The following SORCS2 variants were observed in gnomAD, a reference collection of about 807,000 sequenced individuals.
SORCS2 encodes the protein VPS10 domain-containing receptor SorCS2.
Under a neutral mutation model 141.6 loss-of-function variants are expected in SORCS2, and 100 were observed. The observed-to-expected ratio is 0.71, with a 90% CI of 0.60 to 0.83. The LOEUF is 0.83. Among genes scored for constraint, SORCS2 ranks in the 40% least tolerant of loss-of-function variants. The pLI is 0.00. For synonymous variants in SORCS2, 789 were observed against 676.9 expected (o/e 1.17, Z -2.57); for missense variants, 1,646 against 1,560.2 (o/e 1.05, Z -0.93).
In SORCS2 at chr4:7,704,231, G is replaced by A. The variant is rs756784961; in HGVS notation, c.1815G>A (p.Ser605=). Residue 605 remains serine, a synonymous_variant, in exon 14 of 27, where the codon TCG becomes TCA. Coordinates refer to ENST00000507866, the MANE Select transcript of SORCS2 (RefSeq NM_020777.3). ...TWSTHNFTST[S]VFVDGLLSEP... ...GCACGCACAACTTCACCAGCACCTC[G>A]GTGTTTGTGGACGGGCTGCTGAGTG... 9.3e-6 allele frequency: 15 copies of A among 1,612,984 alleles called. No individual in the cohort carries two copies. The highest frequency in any genetic ancestry group is 1.6e-4 in the Middle Eastern group (1 of 6,082).
chr4:7,692,086 A>G (rs1049715759), intron 11 of SORCS2, among the ~76,000 whole-genome samples: 1 of 152,222 alleles, frequency 6.6e-6, no homozygotes, highest in African/African-American at 2.4e-5. Context: ...AGGTGGAGCC[A>G]GGCATGCAAG....
At chr4:7,697,097 C>A in intron 11 of SORCS2, 101 bp from the exon 12 acceptor site, 1 of 955,538 alleles carries the variant, frequency 1.0e-6, no homozygotes, top group South Asian at 1.6e-5. Flanking sequence ...AGACCCGGGG[C>A]ACTGGCCACC....
intron 8 of SORCS2, among the ~76,000 whole-genome samples, chr4:7,667,566 TCTC>T (rs1722576143): frequency 6.6e-6 from 1 of 152,172 alleles, no homozygotes; most frequent in South Asian, 2.1e-4. Context: ...ATCCCTCTCT[TCTC>T]CTTGCTGGTG....
intron 2 of SORCS2, among the ~76,000 whole-genome samples, chr4:7,412,757 C>T (rs1242528704): frequency 6.6e-6 from 1 of 152,086 alleles, no homozygotes; most frequent in Admixed American, 6.5e-5. Flanking sequence ...GCTGCTTCAC[C>T]TGTCCCCCTG....
chr4:7,282,659 C>CA (rs1209408695), intron 1 of SORCS2, among the ~76,000 whole-genome samples: 3 of 152,176 alleles, frequency 2.0e-5, no homozygotes, highest in African/African-American at 7.2e-5. Flanking sequence ...GTGTCAGTCA[C>CA]GCCAGTGGCT....
intron 2 of SORCS2, among the ~76,000 whole-genome samples, chr4:7,485,083 G>T (rs1192822943): frequency 2.6e-5 from 4 of 152,122 alleles, no homozygotes; most frequent in East Asian, 1.9e-4. Context: ...TAGGAGTCTG[G>T]TCACCTGTCC....
chr4:7,390,302 C>T (rs768697348), intron 1 of SORCS2, among the ~76,000 whole-genome samples: 2 of 152,180 alleles, frequency 1.3e-5, no homozygotes, highest in Non-Finnish European at 2.9e-5. Flanking sequence ...ATTCTTGAGC[C>T]TCCGAAAGGC....
At chr4:7,637,575 G>A (rs969547945) in intron 3 of SORCS2, among the ~76,000 whole-genome samples, 8 of 152,320 alleles carry the variant, frequency 5.3e-5, no homozygotes, top group South Asian at 2.1e-4. Context: ...ACAGTGCCCC[G>A]CACTCCATGA....
chr4:7,678,784 A>G (rs1723326114), intron 9 of SORCS2, among the ~76,000 whole-genome samples: 1 of 150,654 alleles, frequency 6.6e-6, no homozygotes, highest in Non-Finnish European at 1.5e-5. Flanking sequence ...GCTGGTGGTT[A>G]CAAGCACAAC....
intron 25 of SORCS2, 37 bp from the exon 26 acceptor site, chr4:7,737,032 C>T: frequency 1.9e-6 from 3 of 1,548,982 alleles, no homozygotes; most frequent in South Asian, 1.2e-5. Flanking sequence ...CCTGGGAAGC[C>T]CCTCCAAGCT....
intron 2 of SORCS2, among the ~76,000 whole-genome samples, chr4:7,421,614 CA>C (rs141814300): frequency 0.15 from 23,560 of 152,102 alleles, 1,912 homozygotes; most frequent in African/African-American, 0.17. Context: ...TCTTGCCCCC[CA>C]TAACTCCCTT....
Position 7,607,309 on chromosome 4 carries a change from G to A in SORCS2, c.649-31019G>A, listed in dbSNP as rs151018211. Among the ~76,000 whole-genome samples, 580 of 152,276 alleles carry A rather than the reference G, an allele frequency of 3.8e-3. 4 individuals carry two copies. The highest frequency in any genetic ancestry group is 0.013 in the African/African-American group (539 of 41,564). On this transcript the variant is annotated intron_variant, in intron 3 of 26. Coordinates refer to ENST00000507866, the MANE Select transcript of SORCS2 (RefSeq NM_020777.3). ...TCTGAGACAGATGCTCCACGCAGAC[G>A]CTTTTGGAGACTTGCTGTGTCCTGA...
intron 3 of SORCS2, among the ~76,000 whole-genome samples, chr4:7,625,276 C>T (rs748224451): frequency 5.9e-5 from 9 of 152,222 alleles, no homozygotes; most frequent in South Asian, 4.2e-4. Context: ...AGAGGCTGGA[C>T]GCCAGCTCCG....
At position 7,563,414 on chromosome 4, in the gene SORCS2, C is replaced by A. The variant is rs1261091506; in HGVS notation, c.648+31785C>A. On this transcript the variant is annotated intron_variant, in intron 3 of 26. Transcript: ENST00000507866. ...AGTAAGTGACCTACCCAGGGCAAGT[C>A]TAGTGCAACAGCCATCTCTCTGTCT... Among the ~76,000 whole-genome samples, 4 of 152,162 alleles carry A rather than the reference C, an allele frequency of 2.6e-5. No homozygotes were observed. In the East Asian group the frequency reaches 7.7e-4, roughly 29 times the overall value.
At chr4:7,549,825 C>T (rs1460854271) in intron 3 of SORCS2, among the ~76,000 whole-genome samples, 1 of 152,202 alleles carries the variant, frequency 6.6e-6, no homozygotes, top group African/African-American at 2.4e-5. Flanking sequence ...CCCCAGGACA[C>T]ACCAAGGGCA....
At chr4:7,619,048 C>T (rs905863994) in intron 3 of SORCS2, among the ~76,000 whole-genome samples, 1 of 152,172 alleles carries the variant, frequency 6.6e-6, no homozygotes, top group Non-Finnish European at 1.5e-5. Flanking sequence ...GACACACAAT[C>T]TGTGATGTGC....
intron 2 of SORCS2, among the ~76,000 whole-genome samples, chr4:7,469,611 C>A (rs1373279361): frequency 6.6e-6 from 1 of 152,216 alleles, no homozygotes; most frequent in African/African-American, 2.4e-5. Context: ...CTCTTGCCAA[C>A]AGATCCCCAG....
chr4:7,439,714 C>T (rs1053722155), intron 2 of SORCS2, among the ~76,000 whole-genome samples: 4 of 152,306 alleles, frequency 2.6e-5, no homozygotes, highest in South Asian at 2.1e-4. Flanking sequence ...GCATGTTGTT[C>T]CCACAACTGT....
At chr4:7,222,650 C>T (rs762676884) in intron 1 of SORCS2, among the ~76,000 whole-genome samples, 22 of 152,034 alleles carry the variant, frequency 1.4e-4, no homozygotes, top group Admixed American at 3.3e-4. Flanking sequence ...AAGGGTAGTG[C>T]GGCCGGGGCA....
Sources: gnomAD v4.1 joint callset for allele counts (sites outside exome capture counted in the v4.1 genomes callset) on GRCh38, gnomAD v4.1.1 for gene constraint, MANE v1.5 for transcripts, NCBI Gene and HGNC (gene_info 2026-07-23, HGNC 2026-07-21) for gene names.